The following DLG2 variants were observed in gnomAD, a reference collection of about 807,000 sequenced individuals.
The protein encoded by DLG2 is discs large MAGUK scaffold protein 2.
A neutral mutation model predicts 132.5 loss-of-function variants in DLG2; 45 were observed. The ratio of observed to expected loss-of-function variants is 0.34; its 90% CI spans 0.27 to 0.44. DLG2 has a LOEUF of 0.44. Ranked by LOEUF, DLG2 falls within the 20% of genes least tolerant of loss-of-function variation. DLG2 has a pLI of 1.00. For synonymous variants in DLG2, 424 were observed against 419.6 expected (o/e 1.01, Z -0.13); for missense variants, 1,045 against 1,196.9 (o/e 0.87, Z 1.87).
intron 6 of DLG2, among the ~76,000 whole-genome samples, chr11:84,586,341 T>C (rs2099529918): frequency 1.3e-5 from 2 of 152,152 alleles, no homozygotes; most frequent in Admixed American, 1.3e-4. Context: ...AATAGTCTAT[T>C]TTGTCTTGAA....
chr11:83,529,748 T>C (rs923276821), intron 21 of DLG2, among the ~76,000 whole-genome samples: 4 of 152,136 alleles, frequency 2.6e-5, no homozygotes, highest in East Asian at 3.8e-4. Flanking sequence ...AGTGACTTAG[T>C]AGTGAGCTGA....
chr11:83,651,892 TAGA>T (rs1270442966), intron 18 of DLG2: 10 of 471,022 alleles, frequency 2.1e-5, no homozygotes, highest in South Asian at 3.1e-5. Context: ...GTCTTCTGGC[TAGA>T]AGAAGCCCTG....
At chr11:85,023,085 G>A (rs1361290526) in intron 6 of DLG2, among the ~76,000 whole-genome samples, 1 of 151,968 alleles carries the variant, frequency 6.6e-6, no homozygotes, top group East Asian at 1.9e-4. Flanking sequence ...CTAAAAAAAT[G>A]AAAAGTTAGG....
At chr11:85,321,282 A>G (rs2081050199) in intron 3 of DLG2, among the ~76,000 whole-genome samples, 1 of 151,936 alleles carries the variant, frequency 6.6e-6, no homozygotes, top group East Asian at 1.9e-4. Flanking sequence ...AGACAATGGG[A>G]GAAGTTGAGT....
intron 6 of DLG2, among the ~76,000 whole-genome samples, chr11:84,556,457 C>G (rs2099412133): frequency 6.6e-6 from 1 of 152,130 alleles, no homozygotes; most frequent in Non-Finnish European, 1.5e-5. Context: ...TTTTGGCTTC[C>G]CTAGGCCACA....
chr11:85,419,397 G>C (rs1405298207), intron 3 of DLG2, among the ~76,000 whole-genome samples: 1 of 152,184 alleles, frequency 6.6e-6, no homozygotes, highest in East Asian at 1.9e-4. Context: ...TGTCGATTAT[G>C]TGTCTTGGGA....
chr11:85,442,836 G>T (rs796685511), intron 3 of DLG2, among the ~76,000 whole-genome samples: 1 of 151,784 alleles, frequency 6.6e-6, no homozygotes, highest in Non-Finnish European at 1.5e-5. Context: ...ATTTCATCAC[G>T]CGACTACACT....
At chr11:84,591,130 C>T (rs935195906) in intron 6 of DLG2, among the ~76,000 whole-genome samples, 9 of 151,886 alleles carry the variant, frequency 5.9e-5, no homozygotes, top group South Asian at 2.1e-4. Context: ...ATTACCTTAA[C>T]GACCATACTG....
chr11:84,768,227 G>GCT (rs2068720050), intron 6 of DLG2, among the ~76,000 whole-genome samples: 1 of 152,080 alleles, frequency 6.6e-6, no homozygotes, highest in Non-Finnish European at 1.5e-5. Context: ...TGTCACTATT[G>GCT]CTCATTATGG....
At chr11:83,891,933 C>T (rs1186521731) in intron 15 of DLG2, among the ~76,000 whole-genome samples, 2 of 152,180 alleles carry the variant, frequency 1.3e-5, no homozygotes, top group Admixed American at 1.3e-4. Flanking sequence ...AGATGTTTCA[C>T]TTGACATCTG....
chr11:85,084,991 G>A (rs2067726507), intron 6 of DLG2, among the ~76,000 whole-genome samples: 1 of 152,024 alleles, frequency 6.6e-6, no homozygotes, highest in African/African-American at 2.4e-5. Flanking sequence ...CTGTTAGTTT[G>A]GTCCAGAGTT....
intron 6 of DLG2, among the ~76,000 whole-genome samples, chr11:84,736,629 T>C (rs2063865136): frequency 6.6e-6 from 1 of 152,018 alleles, no homozygotes; most frequent in African/African-American, 2.4e-5. Context: ...GATTTATTCC[T>C]AAGTATTTCA....
chr11:85,473,967 A>C (rs1435205006), intron 3 of DLG2, among the ~76,000 whole-genome samples: 1 of 152,008 alleles, frequency 6.6e-6, no homozygotes, highest in East Asian at 1.9e-4. Context: ...AAATAATTCC[A>C]AATATATCGG....
intron 6 of DLG2, among the ~76,000 whole-genome samples, chr11:84,618,021 TA>T (rs2099607473): frequency 6.6e-6 from 1 of 152,052 alleles, no homozygotes. Flanking sequence ...AAAGAACACT[TA>T]AAAAAGGAAG....
Position 84,735,087 on chromosome 11 carries a change from G to T in DLG2, c.358-200356C>A, listed in dbSNP as rs1462348521. The stretch of plus-strand genomic sequence containing the variant: ...GCATCAATGTTCATCAGGGATATTG[G>T]TCTAAAATTCTCTTTTTTGATTCTG... On this transcript the variant is annotated intron_variant, in intron 6 of 27. Coordinates refer to ENST00000376104, the MANE Select transcript of DLG2 (RefSeq NM_001142699.3). 3.3e-5 allele frequency among the ~76,000 whole-genome samples: 5 copies of T among 152,138 alleles called. No individual in the cohort carries two copies. In the East Asian group the frequency reaches 9.7e-4, roughly 29 times the overall value.
At chr11:84,206,753 A>C (rs1174772398) in intron 8 of DLG2, among the ~76,000 whole-genome samples, 3 of 152,010 alleles carry the variant, frequency 2.0e-5, no homozygotes. Flanking sequence ...CTTAGCATGG[A>C]CATTATAATG....
chr11:85,555,479 C>T (rs1163282467), intron 3 of DLG2, among the ~76,000 whole-genome samples: 1 of 151,948 alleles, frequency 6.6e-6, no homozygotes, highest in Non-Finnish European at 1.5e-5. Flanking sequence ...ACACTGACCA[C>T]TCCTAATTAA....
intron 3 of DLG2, among the ~76,000 whole-genome samples, chr11:85,524,605 A>C (rs2074596451): frequency 6.6e-6 from 1 of 152,060 alleles, no homozygotes; most frequent in South Asian, 2.1e-4. Context: ...CAATTATCTT[A>C]TCTCAGCTTC....
intron 12 of DLG2, among the ~76,000 whole-genome samples, chr11:83,975,745 G>A (rs1193504875): frequency 2.0e-5 from 3 of 151,946 alleles, no homozygotes; most frequent in Non-Finnish European, 4.4e-5. Context: ...GAGAAGTGGA[G>A]AAGTGGAAAG....
Sources: allele counts gnomAD v4.1 joint callset (sites outside exome capture counted in the v4.1 genomes callset), GRCh38; gene constraint gnomAD v4.1.1; transcripts MANE v1.5; gene names NCBI Gene and HGNC (gene_info 2026-07-23, HGNC 2026-07-21).